The following RNF38 variants were observed in gnomAD, a reference collection of about 807,000 sequenced individuals.
RNF38 encodes the protein ring finger protein 38.
In RNF38, 15 loss-of-function variants were observed where a neutral mutation model predicts 67.2. That is an observed-to-expected ratio of 0.22 (90% CI 0.15 to 0.34). The LOEUF (loss-of-function observed/expected upper bound fraction) is 0.34, where lower values mean the gene tolerates loss of function less well. Among genes scored for constraint, RNF38 ranks in the 10% least tolerant of loss-of-function variants. The pLI is 1.00. For synonymous variants in RNF38, 220 were observed against 218.8 expected (o/e 1.01, Z -0.05); for missense variants, 524 against 639.9 (o/e 0.82, Z 1.95).
At chr9:36,447,838 T>G (rs1239541703) in intron 1 of RNF38, among the ~76,000 whole-genome samples, 1 of 152,182 alleles carries the variant, frequency 6.6e-6, no homozygotes, top group Non-Finnish European at 1.5e-5. Flanking sequence ...CTAACTGTAT[T>G]AATAGGACTA....
intron 1 of RNF38, among the ~76,000 whole-genome samples, chr9:36,398,896 T>C (rs1837762166): frequency 1.3e-5 from 2 of 152,174 alleles, no homozygotes; most frequent in Non-Finnish European, 1.5e-5. Flanking sequence ...ACCTAATCAT[T>C]TCAGAAACTT....
At chr9:36,486,035 C>T (rs1382832860) in intron 1 of RNF38, among the ~76,000 whole-genome samples, 1 of 152,222 alleles carries the variant, frequency 6.6e-6, no homozygotes, top group African/African-American at 2.4e-5. Context: ...TCACGTTTGG[C>T]ACCTTCTTTG....
chr9:36,424,576 G>A (rs774861162), intron 2 of RNF38: 59 of 916,712 alleles, frequency 6.4e-5, no homozygotes, highest in Non-Finnish European at 6.8e-5. Flanking sequence ...AGGTTGGCAT[G>A]CATTTTCCCC....
At chr9:36,387,336 A>G (rs1383431303) in intron 2 of RNF38, among the ~76,000 whole-genome samples, 1 of 152,260 alleles carries the variant, frequency 6.6e-6, no homozygotes, top group Non-Finnish European at 1.5e-5. Flanking sequence ...TTACAAAATA[A>G]AAGCTATAAC....
intron 4 of RNF38, among the ~76,000 whole-genome samples, chr9:36,367,484 C>T (rs1443378601): frequency 2.0e-5 from 3 of 152,114 alleles, no homozygotes; most frequent in African/African-American, 7.2e-5. Flanking sequence ...TTTCCTAATA[C>T]TGAACCCATG....
intron 3 of RNF38, among the ~76,000 whole-genome samples, chr9:36,370,386 C>T (rs72731452): frequency 0.023 from 3,532 of 152,044 alleles, 68 homozygotes; most frequent in Non-Finnish European, 0.033. Flanking sequence ...AGACATAGTT[C>T]CTATGTGGCC....
chr9:36,368,429 C>G (rs1835133801), intron 4 of RNF38, among the ~76,000 whole-genome samples: 1 of 152,158 alleles, frequency 6.6e-6, no homozygotes, highest in African/African-American at 2.4e-5. Context: ...GTATGTATTT[C>G]TCTGTATTTT....
chr9:36,476,953 C>T (rs557504216), intron 1 of RNF38, among the ~76,000 whole-genome samples: 1 of 152,176 alleles, frequency 6.6e-6, no homozygotes, highest in African/African-American at 2.4e-5. Context: ...ACACCATAGA[C>T]GTAAATGCTA....
chr9:36,386,535 C>G (rs779612986), intron 2 of RNF38, among the ~76,000 whole-genome samples: 7 of 152,198 alleles, frequency 4.6e-5, no homozygotes, highest in Non-Finnish European at 8.8e-5. Flanking sequence ...TGCCTCCATA[C>G]TAAACAGTGG....
At chr9:36,389,246 T>C (rs1836881958) in intron 2 of RNF38, among the ~76,000 whole-genome samples, 1 of 151,894 alleles carries the variant, frequency 6.6e-6, no homozygotes, top group Non-Finnish European at 1.5e-5. Context: ...TTTCAAAACA[T>C]GAATTTAAAT....
At chr9:36,447,622 A>C (rs1051403495) in intron 1 of RNF38, among the ~76,000 whole-genome samples, 1 of 152,218 alleles carries the variant, frequency 6.6e-6, no homozygotes, top group Non-Finnish European at 1.5e-5. Flanking sequence ...CCACCGAAGA[A>C]GCCTAATGAA....
At position 36,448,887 on chromosome 9, in the gene RNF38, G is replaced by A. The variant is rs1396736633; in HGVS notation, n.242-24204C>T. Among the ~76,000 whole-genome samples, 5 of 152,010 alleles carry A rather than the reference G, an allele frequency of 3.3e-5. 1 individual carries two copies. The highest frequency in any genetic ancestry group is 7.2e-5 in the African/African-American group (3 of 41,394). On this transcript the variant is annotated intron_variant and non_coding_transcript_variant, in intron 1 of 3. Coordinates refer to the RNF38 transcript ENST00000488058. ...TGGGCGCCTGCAATCCCAGCTACTC[G>A]GGAGGCTGAGGCAAGGGAATTGCTT...
chr9:36,365,718 T>C (rs1646822764), intron 4 of RNF38, among the ~76,000 whole-genome samples: 1 of 124,716 alleles, frequency 8.0e-6, no homozygotes, highest in African/African-American at 3.1e-5. Context: ...CAGACTGGAG[T>C]GCAGTGGTGC....
upstream of RNF38, among the ~76,000 whole-genome samples, chr9:36,401,595 G>C (rs1352799769): frequency 1.3e-5 from 2 of 152,094 alleles, no homozygotes; most frequent in African/African-American, 4.8e-5. Context: ...GCTTGGGGAG[G>C]GGAAATAAGA....
intron 1 of RNF38, among the ~76,000 whole-genome samples, chr9:36,427,276 G>A (rs905674776): frequency 6.6e-6 from 1 of 152,210 alleles, no homozygotes; most frequent in Non-Finnish European, 1.5e-5. Flanking sequence ...AAAAGGGGAA[G>A]AAAGGAAATG....
intron 4 of RNF38, among the ~76,000 whole-genome samples, chr9:36,360,797 CT>C (rs1465110416): frequency 1.3e-5 from 2 of 152,096 alleles, no homozygotes; most frequent in African/African-American, 4.8e-5. Context: ...TACCACCCCC[CT>C]ACCCCGACCA....
intron 2 of RNF38, among the ~76,000 whole-genome samples, chr9:36,382,381 G>C (rs1032373818): frequency 6.6e-6 from 1 of 152,122 alleles, no homozygotes; most frequent in Non-Finnish European, 1.5e-5. Flanking sequence ...GAGTCTAGGA[G>C]TACACCTCTA....
intron 1 of RNF38, among the ~76,000 whole-genome samples, chr9:36,458,285 C>A (rs1029814979): frequency 5.3e-5 from 8 of 152,132 alleles, no homozygotes; most frequent in African/African-American, 1.9e-4. Context: ...GTAAAATGGA[C>A]CAGTCAGTGC....
chr9:36,466,989 G>A (rs1204010999), intron 1 of RNF38, among the ~76,000 whole-genome samples: 1 of 148,126 alleles, frequency 6.8e-6, no homozygotes, highest in Non-Finnish European at 1.5e-5. Context: ...GACCAGCCTG[G>A]TCAACATGGC....
Sources: gnomAD v4.1 joint callset for allele counts (sites outside exome capture counted in the v4.1 genomes callset) on GRCh38, gnomAD v4.1.1 for gene constraint, MANE v1.5 for transcripts, NCBI Gene and HGNC (gene_info 2026-07-23, HGNC 2026-07-21) for gene names.